The following SLC25A4 variants were observed in gnomAD, a reference collection of about 807,000 sequenced individuals.
SLC25A4 encodes solute carrier family 25 member 4.
A neutral mutation model predicts 24.7 loss-of-function variants in SLC25A4; 10 were observed. That is an observed-to-expected ratio of 0.41 (90% CI 0.25 to 0.69). The LOEUF (loss-of-function observed/expected upper bound fraction) is 0.69. SLC25A4 is among the 30% of genes least tolerant of loss of function. The probability of loss-of-function intolerance (pLI) is 0.35; values close to 1 mark genes in which losing one functional copy is unlikely to be tolerated. For synonymous variants in SLC25A4, 125 were observed against 153.3 expected (o/e 0.82, Z 1.36); for missense variants, 273 against 387.6 (o/e 0.70, Z 2.48).
chr4:185,145,381 T>G lies in SLC25A4; in HGVS notation c.598+131T>G, dbSNP rs576785899. On this transcript the variant is annotated intron_variant, in intron 2 of 3. Transcript: ENST00000281456. The surrounding 1 kb of genome is among the most constrained non-coding windows in gnomAD (Gnocchi z 5.5). ...CTCTGGGATAATTGAGGCTTCTGAA[T>G]GAGGAGGTGATGTGCATAAGTTAAT... 1 of 1,382,896 alleles carries G rather than the reference T, an allele frequency of 7.2e-7. No individual in the cohort carries two copies. The allele number at this position is 1,382,896 out of a possible 1,614,324, so 85.7% of individuals were successfully genotyped here.
At chr4:185,146,214 GTAGTT>G (rs1199627034) in intron 3 of SLC25A4, among the ~76,000 whole-genome samples, 1 of 152,146 alleles carries the variant, frequency 6.6e-6, no homozygotes. Flanking sequence ...GGGAAAAGAA[GTAGTT>G]AGCTACTTCT....
chr4:185,143,520 C>A, intron 1 of SLC25A4, 37 bp downstream of exon 1: 2 of 986,356 alleles, frequency 2.0e-6, no homozygotes, highest in Non-Finnish European at 2.6e-6. Flanking sequence ...GGCGCGGGCG[C>A]GGCGGGCCGG....
At position 185,145,213 on chromosome 4, in the gene SLC25A4, T is replaced by C. The variant is rs1579209846; in HGVS notation, c.561T>C (p.Tyr187=). 1 of 1,614,022 alleles carries C rather than the reference T, an allele frequency of 6.2e-7. No homozygotes were observed. The highest frequency in any genetic ancestry group is 1.1e-5 in the South Asian group (1 of 91,072). ...FNVSVQGIII[Y]RAAYFGVYDT... ...TCTCTGTCCAAGGCATCATTATCTA[T>C]AGAGCTGCCTACTTCGGAGTCTATG... Residue 187 remains tyrosine (Y), a synonymous_variant, in exon 2 of 4, where the codon TAT becomes TAC. Transcript: ENST00000281456. This position sits in a 1 kb window ranked among gnomAD's most constrained non-coding sequence, Gnocchi z 5.5.
At position 185,147,107 on chromosome 4, in the gene SLC25A4, A is replaced by C; in HGVS notation, c.*136A>C. ...AAAACCAGACTGAAAGGAATACCTC[A>C]GAAGAGATGCTTCATTGAGTGTTCA... On this transcript the variant is annotated 3_prime_UTR_variant, in exon 4 of 4. Transcript: ENST00000281456. 1 of 708,442 alleles carries C rather than the reference A, an allele frequency of 1.4e-6. No individual in the cohort carries two copies. 43.9% of individuals were successfully genotyped at this position (708,442 alleles called of 1,614,324 possible). A position where few individuals can be genotyped will look rare whatever the true frequency, so the allele number is the denominator to read the frequency against.
chr4:185,145,010 G>C lies in SLC25A4; in HGVS notation c.358G>C (p.Gly120Arg), dbSNP rs1398611131. Residue 120 changes from glycine (G) to arginine (R), a missense_variant, in exon 2 of 4, where the codon GGT (glycine) becomes CGT (arginine). Physicochemically the swap from Gly to Arg is moderately radical, Grantham distance 125. Transcript: ENST00000281456. The surrounding 1 kb of genome is among the most constrained non-coding windows in gnomAD (Gnocchi z 5.5). ...CTACTTTGCTGGTAACCTGGCGTCC[G>C]GTGGGGCCGCTGGGGCCACCTCCCT... is the stretch of plus-strand genomic sequence containing the variant. ...WRYFAGNLAS[G>R]GAAGATSLCF... The C allele has an allele frequency of 1.2e-6, 2 of 1,614,078 alleles. No individual in the cohort carries two copies. The highest frequency in any genetic ancestry group is 1.7e-6 in the Non-Finnish European group (2 of 1,180,048).
chr4:185,149,119 AG>A lies in SLC25A4; in HGVS notation c.*2150del, dbSNP rs1734492668. The A allele has an allele frequency of 6.6e-6, 1 of 152,310 alleles. No individual in the cohort carries two copies. The highest frequency in any genetic ancestry group is 2.1e-4 in the South Asian group (1 of 4,824). 9.4% of individuals were successfully genotyped at this position (152,310 alleles called of 1,614,324 possible). ...GCCAGGCAGCACATGTGCAGTTAAG[AG>A]GCCTCCTGGATCCATTGTCCTCCTG... On this transcript the variant is annotated 3_prime_UTR_variant, in exon 4 of 4. Coordinates refer to ENST00000281456, the MANE Select transcript of SLC25A4 (RefSeq NM_001151.4).
In SLC25A4 at chr4:185,148,182, T is replaced by C. The variant is rs1487203960; in HGVS notation, c.*1211T>C. 1.3e-5 allele frequency: 2 copies of C among 152,102 alleles called. No individual in the cohort carries two copies. The highest frequency in any genetic ancestry group is 4.8e-5 in the African/African-American group (2 of 41,410). 9.4% of individuals were successfully genotyped at this position (152,102 alleles called of 1,614,324 possible). The stretch of plus-strand genomic sequence containing the variant: ...ACTACGGACTTCTTGTATCCTTACA[T>C]GGCAGAAAGAGCGACAGAGCTCTCT... On this transcript the variant is annotated 3_prime_UTR_variant, in exon 4 of 4. Coordinates refer to ENST00000281456, the MANE Select transcript of SLC25A4 (RefSeq NM_001151.4).
rs1734478837 is a variant in SLC25A4, at chr4:185,148,255, C to T, written c.*1284C>T. ...TAATCCCATTCATGAGGGCCCTACCCTCATGACCCAATTACCTCCCAAATG... is the reference window on the plus strand; with the variant it reads ...TAATCCCATTCATGAGGGCCCTACCTTCATGACCCAATTACCTCCCAAATG... On this transcript the variant is annotated 3_prime_UTR_variant, in exon 4 of 4. Transcript: ENST00000281456. 1 of 152,086 alleles carries T rather than the reference C, an allele frequency of 6.6e-6. No individual in the cohort carries two copies. The highest frequency in any genetic ancestry group is 2.1e-4 in the South Asian group (1 of 4,826). 9.4% of individuals were successfully genotyped at this position (152,086 alleles called of 1,614,324 possible).
Position 185,144,905 on chromosome 4 carries a change from C to A in SLC25A4, c.253C>A (p.Gln85Lys). Residue 85 changes from glutamine (Q) to lysine (K), a missense_variant, in exon 2 of 4, where the codon CAA (glutamine) becomes AAA (lysine). Physicochemically the swap from Gln to Lys is moderately conservative, Grantham distance 53 (BLOSUM62 1). Transcript: ENST00000281456. ...CAACGTGATCCGTTACTTCCCCACC[C>A]AAGCTCTCAACTTCGCCTTCAAGGA... Reference protein sequence around the residue: ...LANVIRYFPTQALNFAFKDKY... With the variant: ...LANVIRYFPTKALNFAFKDKY... The A allele has an allele frequency of 6.2e-7, 1 of 1,614,180 alleles. No homozygotes were observed. Among genetic ancestry groups the A allele is most frequent in the Non-Finnish European group, 8.5e-7 (1 of 1,180,014 alleles).
At position 185,149,866 on chromosome 4, in the gene SLC25A4, G is replaced by A. The variant is rs1288370643; in HGVS notation, c.*2895G>A. The A allele has an allele frequency of 6.6e-6, 1 of 152,018 alleles. No individual in the cohort carries two copies. The allele number at this position is 152,018 out of a possible 1,614,324, so 9.4% of individuals were successfully genotyped here. On this transcript the variant is annotated 3_prime_UTR_variant, in exon 4 of 4. Coordinates refer to ENST00000281456, the MANE Select transcript of SLC25A4 (RefSeq NM_001151.4). ...TAAGACCTTATTTTGTATTTTAAAT[G>A]TATGAGAAAAATTATGGAGGATGAT...
At chr4:185,146,768 C>T (rs1560842572) in intron 3 of SLC25A4, 46 bp from the exon 4 acceptor site, 2 of 1,611,868 alleles carry the variant, frequency 1.2e-6, no homozygotes, top group Non-Finnish European at 1.7e-6. Flanking sequence ...GGAAAAGTCT[C>T]TTTCCTCCAG....
At chr4:185,143,851 C>T (rs956837411) in intron 1 of SLC25A4, among the ~76,000 whole-genome samples, 1 of 152,176 alleles carries the variant, frequency 6.6e-6, no homozygotes, top group Non-Finnish European at 1.5e-5. Context: ...TGCGCACGCA[C>T]CTTTACAATA....
At position 185,145,245 on chromosome 4, in the gene SLC25A4, C is replaced by T; in HGVS notation, c.593C>T (p.Ala198Val). The T allele has an allele frequency of 3.7e-6, 6 of 1,613,926 alleles. No individual in the cohort carries two copies. The highest frequency in any genetic ancestry group is 4.2e-6 in the Non-Finnish European group (5 of 1,180,004). The part of the protein sequence containing the change: ...RAAYFGVYDT[A>V]KGMLPDPKNV... The stretch of plus-strand genomic sequence containing the variant: ...GCCTACTTCGGAGTCTATGATACTG[C>T]CAAGGGTGAGAGAGGGGCATCGGGG... The change falls in exon 2 of 4, where the codon GCC becomes GTC. Residue 198 changes from alanine to valine, a missense_variant. Ala to Val is a moderately conservative substitution (Grantham distance 64, BLOSUM62 0). Transcript: ENST00000281456. The surrounding 1 kb of genome is among the most constrained non-coding windows in gnomAD (Gnocchi z 5.5).
At chr4:185,146,037 T>G in intron 3 of SLC25A4, 138 bp downstream of exon 3, 1 of 1,012,034 alleles carries the variant, frequency 9.9e-7, no homozygotes, top group South Asian at 1.4e-5. Flanking sequence ...AAGATGGTAT[T>G]AATTCCCCCT....
chr4:185,144,731 C>T (rs1282065046), intron 1 of SLC25A4, 33 bp from the exon 2 acceptor site: 1 of 1,609,908 alleles, frequency 6.2e-7, no homozygotes, highest in Non-Finnish European at 8.5e-7. Context: ...TCTACCCTGC[C>T]TGTCCTCTGT....
In SLC25A4 at chr4:185,145,938, T is replaced by G; in HGVS notation, c.739+39T>G. ...CTACTCATCTAAACTTGTTTGGTTT[T>G]GCCCGAGGAGAACATTTTACAGGGC... On this transcript the variant is annotated intron_variant, in intron 3 of 3. Transcript: ENST00000281456. This position sits in a 1 kb window ranked among gnomAD's most constrained non-coding sequence, Gnocchi z 5.5. 6.2e-7 allele frequency: 1 copy of G among 1,612,872 alleles called. No homozygotes were observed. The highest frequency in any genetic ancestry group is 1.7e-5 in the Admixed American group (1 of 59,872).
In SLC25A4 at chr4:185,148,957, G is replaced by A. The variant is rs1374987128; in HGVS notation, c.*1986G>A. 1 of 152,360 alleles carries A rather than the reference G, an allele frequency of 6.6e-6. No individual in the cohort carries two copies. Among genetic ancestry groups the A allele is most frequent in the African/African-American group, 2.4e-5 (1 of 41,448 alleles). 9.4% of individuals were successfully genotyped at this position (152,360 alleles called of 1,614,324 possible). On this transcript the variant is annotated 3_prime_UTR_variant, in exon 4 of 4. Coordinates refer to ENST00000281456, the MANE Select transcript of SLC25A4 (RefSeq NM_001151.4). ...CTGCCTCCCCAGCTAAAAATTGGCT[G>A]TGTTGCTTTTACCACAGTTACCAAG...
In SLC25A4 at chr4:185,145,166, G is replaced by C; in HGVS notation, c.514G>C (p.Gly172Arg). ...IKIFKSDGLR[G>R]LYQGFNVSVQ... ...GATCTTCAAGTCTGATGGCCTGAGG[G>C]GGCTCTACCAGGGTTTCAACGTCTC... The change falls in exon 2 of 4, where the codon GGG becomes CGG. Residue 172 changes from glycine (G) to arginine (R), a missense_variant. By Grantham distance (125) the Gly-to-Arg change is moderately radical. Transcript: ENST00000281456. The surrounding 1 kb of genome is among the most constrained non-coding windows in gnomAD (Gnocchi z 5.5). The C allele has an allele frequency of 6.2e-7, 1 of 1,613,808 alleles. No individual in the cohort carries two copies. The highest frequency in any genetic ancestry group is 1.1e-5 in the South Asian group (1 of 91,046).
chr4:185,145,971 A>T lies in SLC25A4; in HGVS notation c.739+72A>T. Reference sequence around the variant, plus strand: ...GAGAACATTTTACAGGGCTCCTTTCAGTCTTCCTTACTGGAAATTAATTTT... The same window carrying T: ...GAGAACATTTTACAGGGCTCCTTTCTGTCTTCCTTACTGGAAATTAATTTT... On this transcript the variant is annotated intron_variant, in intron 3 of 3. Transcript: ENST00000281456. This position sits in a 1 kb window ranked among gnomAD's most constrained non-coding sequence, Gnocchi z 5.5. 4 of 1,551,680 alleles carry T rather than the reference A, an allele frequency of 2.6e-6. No individual in the cohort carries two copies. In the South Asian group the frequency reaches 4.6e-5, roughly 18 times the overall value.
Sources: gnomAD v4.1 joint callset for allele counts (sites outside exome capture counted in the v4.1 genomes callset) on GRCh38, gnomAD v4.1.1 for gene constraint, Gnocchi (gnomAD v3.1) non-coding constraint, MANE v1.5 for transcripts, NCBI Gene and HGNC (gene_info 2026-07-23, HGNC 2026-07-21) for gene names.